KCNQ3: variants seen among roughly 807,000 people sequenced by gnomAD.
The protein encoded by KCNQ3 is potassium voltage-gated channel subfamily Q member 3.
Under a neutral mutation model 92.5 loss-of-function variants are expected in KCNQ3, and 30 were observed. The ratio of observed to expected loss-of-function variants is 0.32; its 90% CI spans 0.24 to 0.44. KCNQ3 has a LOEUF of 0.44. Ranked by LOEUF, KCNQ3 falls within the 20% of genes least tolerant of loss-of-function variation. KCNQ3 has a pLI of 1.00. For synonymous variants in KCNQ3, 450 were observed against 468.8 expected, an observed-to-expected ratio of 0.96 and a Z score of 0.52; for missense variants, 913 against 1,140.3, an observed-to-expected ratio of 0.80 and a Z score of 2.87.
intron 1 of KCNQ3, among the ~76,000 whole-genome samples, chr8:132,441,086 T>C (rs1821524012): frequency 6.6e-6 from 1 of 152,214 alleles, no homozygotes. Flanking sequence ...GTAACTTACC[T>C]GCCCCACATG....
rs193121413 is a variant in KCNQ3 at position 132,357,503 on chromosome 8, T to C, written c.386+122644A>G. Among the ~76,000 whole-genome samples, 9 of 152,332 alleles carry C rather than the reference T, an allele frequency of 5.9e-5. No individual in the cohort carries two copies. In the East Asian group the frequency reaches 1.7e-3, roughly 29 times the overall value. ...ACCAGGGTCGCTCTCTGCCCTGCAC[T>C]TGTGGAATGAGTTTGCCTGCACACA... On this transcript the variant is annotated intron_variant, in intron 1 of 14. Coordinates refer to ENST00000388996, the MANE Select transcript of KCNQ3 (RefSeq NM_004519.4).
intron 1 of KCNQ3, among the ~76,000 whole-genome samples, chr8:132,382,365 C>T (rs1343646326): frequency 1.3e-5 from 2 of 152,126 alleles, no homozygotes; most frequent in African/African-American, 2.4e-5. Flanking sequence ...TAACGTGTAT[C>T]CTGCTCCTTC....
At chr8:132,257,467 C>T (rs538401272) in intron 1 of KCNQ3, among the ~76,000 whole-genome samples, 10 of 152,014 alleles carry the variant, frequency 6.6e-5, no homozygotes, top group South Asian at 2.1e-4. Context: ...CAGTTTAGGC[C>T]GGGCGCGGTG....
chr8:132,381,470 A>G (rs1232932393), intron 1 of KCNQ3, among the ~76,000 whole-genome samples: 1 of 152,198 alleles, frequency 6.6e-6, no homozygotes, highest in Non-Finnish European at 1.5e-5. Context: ...TAGGTCTTCT[A>G]GGATTCTAGG....
chr8:132,250,890 T>C (rs1815386185), intron 1 of KCNQ3, among the ~76,000 whole-genome samples: 1 of 152,192 alleles, frequency 6.6e-6, no homozygotes, highest in South Asian at 2.1e-4. Context: ...AGGAAGGATT[T>C]TGTGAAGTGC....
intron 1 of KCNQ3, among the ~76,000 whole-genome samples, chr8:132,263,480 T>A (rs1815860001): frequency 1.3e-5 from 2 of 152,178 alleles, no homozygotes; most frequent in African/African-American, 4.8e-5. Context: ...AGGCTACTGC[T>A]AAGGTTGCCT....
chr8:132,408,403 T>C (rs1265183441), intron 1 of KCNQ3, among the ~76,000 whole-genome samples: 1 of 152,100 alleles, frequency 6.6e-6, no homozygotes, highest in Non-Finnish European at 1.5e-5. Flanking sequence ...CCCCCTGACC[T>C]TCAATCCAGC....
intron 1 of KCNQ3, among the ~76,000 whole-genome samples, chr8:132,413,673 C>T (rs1351057256): frequency 1.3e-5 from 2 of 152,206 alleles, no homozygotes; most frequent in Admixed American, 6.5e-5. Flanking sequence ...CGTTGTCAGA[C>T]GTTGTCAAGG....
intron 1 of KCNQ3, among the ~76,000 whole-genome samples, chr8:132,353,183 G>A (rs573429789): frequency 1.3e-5 from 2 of 152,028 alleles, no homozygotes; most frequent in Admixed American, 1.3e-4. Flanking sequence ...CCGAGATCGC[G>A]CCACTGTACT....
intron 3 of KCNQ3, among the ~76,000 whole-genome samples, chr8:132,183,117 G>A (rs1237311249): frequency 2.0e-5 from 3 of 152,194 alleles, no homozygotes; most frequent in South Asian, 2.1e-4. Context: ...ATCCCCGAAG[G>A]ACTGTGTTCA....
At chr8:132,235,328 C>T (rs1035169417) in intron 1 of KCNQ3, among the ~76,000 whole-genome samples, 18 of 149,450 alleles carry the variant, frequency 1.2e-4, no homozygotes, top group Admixed American at 9.2e-4. Flanking sequence ...CATGGTGAAA[C>T]CCCGTCTCTA....
At chr8:132,349,458 T>G (rs966086003) in intron 1 of KCNQ3, among the ~76,000 whole-genome samples, 1 of 152,240 alleles carries the variant, frequency 6.6e-6, no homozygotes, top group Non-Finnish European at 1.5e-5. Flanking sequence ...CTGTACTTGG[T>G]GACTCATCAC....
intron 3 of KCNQ3, among the ~76,000 whole-genome samples, chr8:132,180,839 A>AAACAAAAAAAAAC (rs1826736606): frequency 6.7e-6 from 1 of 150,280 alleles, no homozygotes; most frequent in Non-Finnish European, 1.5e-5. Flanking sequence ...GAATGTTAAA[A>AAACAAAAAAAAAC]AAAAAAAAAA....
At chr8:132,314,576 AT>A (rs1358514338) in intron 1 of KCNQ3, among the ~76,000 whole-genome samples, 1 of 152,230 alleles carries the variant, frequency 6.6e-6, no homozygotes, top group Non-Finnish European at 1.5e-5. Flanking sequence ...AACAAAAACA[AT>A]AAGGTCAAAA....
chr8:132,465,688 G>A (rs2130861929), intron 1 of KCNQ3, among the ~76,000 whole-genome samples: 1 of 152,298 alleles, frequency 6.6e-6, no homozygotes, highest in South Asian at 2.1e-4. Context: ...AGCTTGCAGT[G>A]AGCCGAGATT....
chr8:132,375,173 T>C (rs1400007628), intron 1 of KCNQ3, among the ~76,000 whole-genome samples: 1 of 152,184 alleles, frequency 6.6e-6, no homozygotes, highest in Non-Finnish European at 1.5e-5. Flanking sequence ...TTTATATGGA[T>C]CATATTCACC....
chr8:132,320,483 C>T (rs752136906), intron 1 of KCNQ3, among the ~76,000 whole-genome samples: 2 of 152,070 alleles, frequency 1.3e-5, no homozygotes, highest in Non-Finnish European at 2.9e-5. Flanking sequence ...GTCACCAAAA[C>T]CCAGGACAGC....
chr8:132,374,607 G>C (rs1260440943), intron 1 of KCNQ3, among the ~76,000 whole-genome samples: 2 of 152,184 alleles, frequency 1.3e-5, no homozygotes, highest in African/African-American at 4.8e-5. Flanking sequence ...TTGTTGTACA[G>C]ATTATTTCAT....
intron 1 of KCNQ3, among the ~76,000 whole-genome samples, chr8:132,325,915 C>T (rs902635332): frequency 6.6e-6 from 1 of 152,180 alleles, no homozygotes; most frequent in Non-Finnish European, 1.5e-5. Context: ...AGAACTGAAA[C>T]TATTTAGGTC....
Sources: gnomAD v4.1 joint callset for allele counts (sites outside exome capture counted in the v4.1 genomes callset) on GRCh38, gnomAD v4.1.1 for gene constraint, MANE v1.5 for transcripts, NCBI Gene and HGNC (gene_info 2026-07-23, HGNC 2026-07-21) for gene names.